The following CCDC7 variants were observed in gnomAD, a reference collection of about 807,000 sequenced individuals.
CCDC7 encodes coiled-coil domain-containing protein 7.
Under a neutral mutation model 196.9 loss-of-function variants are expected in CCDC7, and 183 were observed. That is an observed-to-expected ratio of 0.93 (90% CI 0.82 to 1.05). The LOEUF is 1.05. Ranked by LOEUF, CCDC7 falls within the 50% of genes least tolerant of loss-of-function variation. CCDC7 has a pLI of 0.00. For missense variants in CCDC7, 1,540 were observed against 1,482.2 expected, an observed-to-expected ratio of 1.04 and a Z score of -0.64; for synonymous variants, 525 against 484.6, an observed-to-expected ratio of 1.08 and a Z score of -1.10.
chr10:32,637,662 G>T (rs1011972556), intron 20 of CCDC7, among the ~76,000 whole-genome samples: 1 of 152,152 alleles, frequency 6.6e-6, no homozygotes. Flanking sequence ...GTCAGGTAGC[G>T]TGGTACCTCC....
chr10:32,688,946 T>C, intron 22 of CCDC7, 107 bp from the exon 24 acceptor site: 1 of 712,226 alleles, frequency 1.4e-6, no homozygotes, highest in African/African-American at 1.8e-5. Flanking sequence ...ATTCATAACT[T>C]TACAAAAATG....
intron 32 of CCDC7, among the ~76,000 whole-genome samples, chr10:32,829,346 A>G (rs373343869): frequency 2.6e-5 from 4 of 152,228 alleles, no homozygotes; most frequent in African/African-American, 9.6e-5. Context: ...GCAGTCACCA[A>G]TGCCAGCTAC....
At chr10:32,711,225 T>C (rs2080787410) in intron 24 of CCDC7, among the ~76,000 whole-genome samples, 1 of 151,958 alleles carries the variant, frequency 6.6e-6, no homozygotes. Context: ...TATATATATA[T>C]GTTCATTCAG....
At chr10:32,754,284 C>A (rs547461730) in intron 28 of CCDC7, among the ~76,000 whole-genome samples, 3 of 152,028 alleles carry the variant, frequency 2.0e-5, no homozygotes, top group South Asian at 2.1e-4. Flanking sequence ...TCTATATATC[C>A]CAGTAGTGAA....
chr10:32,785,641 T>C (rs1465126581), intron 29 of CCDC7, among the ~76,000 whole-genome samples: 3 of 152,012 alleles, frequency 2.0e-5, no homozygotes, highest in Admixed American at 6.5e-5. Flanking sequence ...ATAGAAATAA[T>C]ATCAGTGGAA....
intron 29 of CCDC7, among the ~76,000 whole-genome samples, chr10:32,782,867 T>G (rs1273365064): frequency 2.6e-5 from 4 of 152,216 alleles, no homozygotes; most frequent in Non-Finnish European, 4.4e-5. Flanking sequence ...CAAATAACTT[T>G]CAGCAAAGTT....
downstream of CCDC7, among the ~76,000 whole-genome samples, chr10:32,880,300 T>C (rs2094743426): frequency 6.6e-6 from 1 of 152,168 alleles, no homozygotes; most frequent in Admixed American, 6.5e-5. Flanking sequence ...CTCTAATGAT[T>C]AGTGATGTGG....
At chr10:32,835,123 C>T (rs1336863367) in intron 33 of CCDC7, among the ~76,000 whole-genome samples, 1 of 152,034 alleles carries the variant, frequency 6.6e-6, no homozygotes, top group Non-Finnish European at 1.5e-5. Flanking sequence ...CATAAAAATG[C>T]AAGGCTGTTG....
At chr10:32,750,778 G>A (rs1210697924) in intron 28 of CCDC7, among the ~76,000 whole-genome samples, 1 of 152,106 alleles carries the variant, frequency 6.6e-6, no homozygotes, top group East Asian at 1.9e-4. Context: ...AGTTTACTTT[G>A]TTTGGCCTTC....
At chr10:32,747,187 C>G (rs1021479053) in intron 28 of CCDC7, among the ~76,000 whole-genome samples, 1 of 152,280 alleles carries the variant, frequency 6.6e-6, no homozygotes, top group South Asian at 2.1e-4. Context: ...ACTGGACCCC[C>G]CTTCCTTTCA....
At chr10:32,751,180 A>C (rs2075599419) in intron 28 of CCDC7, among the ~76,000 whole-genome samples, 1 of 151,804 alleles carries the variant, frequency 6.6e-6, no homozygotes, top group Non-Finnish European at 1.5e-5. Context: ...CTGATACCTT[A>C]GTGGTTTTGT....
chr10:32,746,298 G>A (rs2074720404), intron 28 of CCDC7, among the ~76,000 whole-genome samples: 1 of 152,210 alleles, frequency 6.6e-6, no homozygotes, highest in Admixed American at 6.5e-5. Context: ...AAATAGGTGA[G>A]GAGTGGTCTT....
exon 40 of CCDC7, chr10:32,851,910 T>C: frequency 6.2e-7 from 1 of 1,603,240 alleles, no homozygotes; most frequent in Admixed American, 1.8e-5. Context: ...TCCACCTTCC[T>C]TTACTGAATC....
chr10:32,845,425 T>C (rs2136169150), intron 34 of CCDC7, 99 bp downstream of exon 35: 2 of 1,192,842 alleles, frequency 1.7e-6, no homozygotes, highest in Non-Finnish European at 2.4e-6. Flanking sequence ...ACCTATATTA[T>C]AGTGTTACAT....
chr10:32,816,245 C>G (rs2088503624), intron 31 of CCDC7, among the ~76,000 whole-genome samples: 1 of 152,232 alleles, frequency 6.6e-6, no homozygotes, highest in Admixed American at 6.5e-5. Context: ...ATTGCTAGCA[C>G]AGCAGTCTGA....
chr10:32,689,014 A>T (rs2076772164), intron 22 of CCDC7, 39 bp from the exon 24 acceptor site: 2 of 1,256,840 alleles, frequency 1.6e-6, no homozygotes, highest in Non-Finnish European at 2.3e-6. Flanking sequence ...AAATGGATTT[A>T]TTTGTAATTT....
At chr10:32,581,537 G>A (rs1342889772) in intron 16 of CCDC7, among the ~76,000 whole-genome samples, 1 of 151,992 alleles carries the variant, frequency 6.6e-6, no homozygotes, top group Non-Finnish European at 1.5e-5. Flanking sequence ...GCACAAGCTT[G>A]AATACAGCAT....
intron 18 of CCDC7, among the ~76,000 whole-genome samples, chr10:32,613,166 AG>A (rs1206366557): frequency 1.3e-5 from 2 of 152,062 alleles, no homozygotes; most frequent in Non-Finnish European, 2.9e-5. Context: ...GTATGTGTCC[AG>A]GAATTTATCC....
chr10:32,543,475 CTT>C lies in CCDC7; in HGVS notation c.1079+91_1079+92del, dbSNP rs1476442155. The C allele has an allele frequency of 3.7e-5, 41 of 1,099,128 alleles. 1 individual carries two copies. The highest frequency in any genetic ancestry group is 1.7e-4 in the East Asian group (5 of 29,488). 68.1% of individuals were successfully genotyped at this position (1,099,128 alleles called of 1,614,324 possible). A position where few individuals can be genotyped will look rare whatever the true frequency, so the allele number is the denominator to read the frequency against. ...ACAATTTAAAGTCAAATAAACATAA[CTT>C]ATGAATAATCTTTTAAAAACATAAA... is the stretch of plus-strand genomic sequence containing the variant. On this transcript the variant is annotated intron_variant, in intron 12 of 41. Coordinates refer to ENST00000639629, the Ensembl canonical transcript of CCDC7.
Sources: allele counts gnomAD v4.1 joint callset (sites outside exome capture counted in the v4.1 genomes callset), GRCh38; gene constraint gnomAD v4.1.1; transcripts MANE v1.5; gene names NCBI Gene and HGNC (gene_info 2026-07-23, HGNC 2026-07-21).